ARHGAP6: variants seen among roughly 807,000 people sequenced by gnomAD.
ARHGAP6 encodes rho GTPase-activating protein 6.
ARHGAP6 carries 16 observed loss-of-function variants against 55.7 expected under a neutral mutation model. The observed-to-expected ratio is 0.29, with a 90% CI of 0.19 to 0.44. The LOEUF (loss-of-function observed/expected upper bound fraction) is 0.44. ARHGAP6 is among the 20% of genes least tolerant of loss of function. The pLI is 1.00. For missense variants in ARHGAP6, 698 were observed against 808.9 expected (o/e 0.86, Z 1.66); for synonymous variants, 382 against 360.9 (o/e 1.06, Z -0.66).
intron 1 of ARHGAP6, among the ~76,000 whole-genome samples, chrX:11,649,627 G>A (rs1258679122): frequency 1.8e-5 from 2 of 111,684 alleles, no homozygotes; most frequent in Non-Finnish European, 3.8e-5. Context: ...CTGCCTTTGG[G>A]AAAACTCAGA....
intron 1 of ARHGAP6, among the ~76,000 whole-genome samples, chrX:11,350,011 T>C (rs2048840266): frequency 9.0e-6 from 1 of 111,664 alleles, no homozygotes; most frequent in Admixed American, 9.6e-5. Context: ...AAGGTGGTTG[T>C]GAGGGTAAAA....
chrX:11,298,367 T>C (rs1017437341), intron 1 of ARHGAP6: 2 of 1,104,584 alleles, frequency 1.8e-6, no homozygotes, highest in Non-Finnish European at 1.2e-6. Flanking sequence ...CTACTCCACA[T>C]GCAGACATTA....
intron 1 of ARHGAP6, among the ~76,000 whole-genome samples, chrX:11,547,404 CCTAGATGGTG>C (rs1368476245): frequency 2.7e-5 from 3 of 111,735 alleles, no homozygotes; most frequent in Non-Finnish European, 5.6e-5. Context: ...CTAATTATCT[CCTAGATGGTG>C]CTGATGTTGC....
At chrX:11,288,691 G>T (rs1320898951) in intron 1 of ARHGAP6, among the ~76,000 whole-genome samples, 1 of 111,255 alleles carries the variant, frequency 9.0e-6, no homozygotes, top group Non-Finnish European at 1.9e-5. Context: ...TGGCAACCAT[G>T]AATCTACTTT....
chrX:11,341,407 C>T (rs1456600157), intron 1 of ARHGAP6, among the ~76,000 whole-genome samples: 2 of 110,617 alleles, frequency 1.8e-5, no homozygotes, highest in African/African-American at 6.6e-5. Context: ...AAACCGGAAA[C>T]AAAATAAAGA....
At chrX:11,372,441 C>T (rs2049153110) in intron 1 of ARHGAP6, among the ~76,000 whole-genome samples, 1 of 111,194 alleles carries the variant, frequency 9.0e-6, no homozygotes, top group South Asian at 3.8e-4. Context: ...ATATTGATCT[C>T]ATATTCCTCA....
At chrX:11,508,574 C>T (rs1397930428) in intron 1 of ARHGAP6, among the ~76,000 whole-genome samples, 3 of 110,277 alleles carry the variant, frequency 2.7e-5, no homozygotes, top group African/African-American at 9.9e-5. Context: ...GTCAACTTGG[C>T]TGGGGTATTC....
At chrX:11,413,804 A>G (rs2049716172) in intron 1 of ARHGAP6, among the ~76,000 whole-genome samples, 1 of 112,412 alleles carries the variant, frequency 8.9e-6, no homozygotes. Context: ...TTTTTAACTT[A>G]AAATTTTTAA....
At chrX:11,511,204 G>A (rs781177381) in intron 1 of ARHGAP6, among the ~76,000 whole-genome samples, 14 of 112,148 alleles carry the variant, frequency 1.2e-4, no homozygotes, top group Non-Finnish European at 2.3e-4. Context: ...GCCTGCTATT[G>A]TATCATATTG....
rs1035110386 is a variant in ARHGAP6 at position 11,518,046 on chromosome X, C to T, written c.588+146195G>A. On this transcript the variant is annotated intron_variant, in intron 1 of 12. Transcript: ENST00000337414. The stretch of plus-strand genomic sequence containing the variant: ...AACATCCCAGCCCCAAATACCTTAA[C>T]CTAACATTTTAAAACCTGAAATTAT... 4.5e-5 allele frequency among the ~76,000 whole-genome samples: 5 copies of T among 111,621 alleles called. No homozygotes were observed. The Admixed American group carries it at 4.8e-4, about 11-fold the overall frequency.
At chrX:11,403,833 A>G (rs940663432) in intron 1 of ARHGAP6, among the ~76,000 whole-genome samples, 6 of 112,623 alleles carry the variant, frequency 5.3e-5, no homozygotes, top group African/African-American at 1.9e-4. Context: ...ATGAAAAAGG[A>G]TGGTTAACAA....
At chrX:11,565,653 T>A (rs1449243113) in intron 1 of ARHGAP6, among the ~76,000 whole-genome samples, 1 of 112,657 alleles carries the variant, frequency 8.9e-6, no homozygotes, top group Non-Finnish European at 1.9e-5. Flanking sequence ...GCTGTTATTA[T>A]CTTCCTAATT....
At chrX:11,454,069 G>A (rs755634352) in intron 1 of ARHGAP6, among the ~76,000 whole-genome samples, 2 of 108,718 alleles carry the variant, frequency 1.8e-5, no homozygotes, top group East Asian at 2.9e-4. Context: ...TTAGCTTCCC[G>A]AGTAGCTGGG....
chrX:11,216,062 A>T (rs1396294283), intron 2 of ARHGAP6, among the ~76,000 whole-genome samples: 2 of 111,183 alleles, frequency 1.8e-5, no homozygotes, highest in Non-Finnish European at 3.8e-5. Context: ...AGCTTGCAAA[A>T]ATGCCTCTGT....
At chrX:11,246,308 C>T (rs2047352147) in intron 2 of ARHGAP6, among the ~76,000 whole-genome samples, 1 of 111,110 alleles carries the variant, frequency 9.0e-6, no homozygotes, top group South Asian at 3.8e-4. Flanking sequence ...TTAAATCTCA[C>T]ATCAACCCTA....
chrX:11,609,745 T>C (rs930818804), intron 1 of ARHGAP6, among the ~76,000 whole-genome samples: 2 of 111,751 alleles, frequency 1.8e-5, no homozygotes, highest in Non-Finnish European at 3.8e-5. Flanking sequence ...TTACAGGAGA[T>C]TGTGAGGATC....
At chrX:11,603,811 T>C (rs999047465) in intron 1 of ARHGAP6, among the ~76,000 whole-genome samples, 15 of 112,238 alleles carry the variant, frequency 1.3e-4, no homozygotes, top group African/African-American at 4.9e-4. Flanking sequence ...ATAACATCTC[T>C]GATTTAACAA....
At chrX:11,405,194 G>C (rs946915259) in intron 1 of ARHGAP6, among the ~76,000 whole-genome samples, 1 of 111,773 alleles carries the variant, frequency 8.9e-6, no homozygotes, top group Admixed American at 9.5e-5. Flanking sequence ...CTGTCCCTCT[G>C]TTGATTCTCA....
chrX:11,535,945 T>G (rs945672517), intron 1 of ARHGAP6, among the ~76,000 whole-genome samples: 1 of 112,563 alleles, frequency 8.9e-6, no homozygotes, highest in Non-Finnish European at 1.9e-5. Context: ...TTCCTGACCA[T>G]CACATTGATG....
Sources: gnomAD v4.1 joint callset for allele counts (sites outside exome capture counted in the v4.1 genomes callset) on GRCh38, gnomAD v4.1.1 for gene constraint, MANE v1.5 for transcripts, NCBI Gene and HGNC (gene_info 2026-07-23, HGNC 2026-07-21) for gene names.